GPHN: variants seen among roughly 807,000 people sequenced by gnomAD.
The protein encoded by GPHN is gephyrin.
Under a neutral mutation model 95.5 loss-of-function variants are expected in GPHN, and 17 were observed. The observed-to-expected ratio is 0.18, with a 90% CI of 0.12 to 0.27. GPHN has a LOEUF of 0.27. Ranked by LOEUF, GPHN falls within the 10% of genes least tolerant of loss-of-function variation. The pLI is 1.00. For missense variants in GPHN, 660 were observed against 978.1 expected (o/e 0.67, Z 4.34); for synonymous variants, 320 against 322.5 (o/e 0.99, Z 0.08).
At chr14:66,982,019 T>A (rs1305050743) in intron 9 of GPHN, among the ~76,000 whole-genome samples, 1 of 152,190 alleles carries the variant, frequency 6.6e-6, no homozygotes, top group African/African-American at 2.4e-5. Flanking sequence ...AATATGAATG[T>A]ATATACCCAG....
At chr14:67,628,513 A>G in the GPHN span, among the ~76,000 whole-genome samples, 10 of 152,358 alleles carry the variant, frequency 6.6e-5, no homozygotes, top group East Asian at 1.3e-3. Context: ...GCAAATTTCA[A>G]TGTAGCCGTA....
At chr14:66,974,217 T>C (rs564903606) in intron 9 of GPHN, among the ~76,000 whole-genome samples, 2 of 152,316 alleles carry the variant, frequency 1.3e-5, no homozygotes, top group Admixed American at 6.5e-5. Flanking sequence ...TGGGAAAGAA[T>C]TTAATATTTT....
intron 1 of GPHN, among the ~76,000 whole-genome samples, chr14:66,522,094 T>C (rs549991563): frequency 1.3e-5 from 2 of 152,258 alleles, no homozygotes; most frequent in East Asian, 3.9e-4. Flanking sequence ...GGCTTAAACC[T>C]AGGCCCCTGT....
intron 9 of GPHN, among the ~76,000 whole-genome samples, chr14:67,019,221 A>G (rs1271464341): frequency 6.6e-6 from 1 of 152,218 alleles, no homozygotes; most frequent in African/African-American, 2.4e-5. Flanking sequence ...TTTTTTAACA[A>G]TGTAAAAAGA....
At chr14:66,875,997 T>G (rs2063647704) in intron 4 of GPHN, among the ~76,000 whole-genome samples, 1 of 152,130 alleles carries the variant, frequency 6.6e-6, no homozygotes, top group African/African-American at 2.4e-5. Context: ...GAGAACATAA[T>G]TGGAAGTAAA....
intron 11 of GPHN, among the ~76,000 whole-genome samples, chr14:67,065,836 C>T (rs537982126): frequency 1.3e-5 from 2 of 148,890 alleles, no homozygotes; most frequent in South Asian, 4.2e-4. Flanking sequence ...TGTGTCTTTG[C>T]ACAGAGATGG....
chr14:67,431,418 A>C, the GPHN span, among the ~76,000 whole-genome samples: 1 of 147,244 alleles, frequency 6.8e-6, no homozygotes, highest in Non-Finnish European at 1.5e-5. Context: ...AAAAAAAAAA[A>C]AAACGGTTTA....
At chr14:67,132,414 T>C (rs929132713) in intron 17 of GPHN, among the ~76,000 whole-genome samples, 1 of 152,202 alleles carries the variant, frequency 6.6e-6, no homozygotes, top group Admixed American at 6.5e-5. Flanking sequence ...CCTCCTTTTC[T>C]GCTCAAAATG....
downstream of GPHN, among the ~76,000 whole-genome samples, chr14:67,185,676 G>A (rs1241024583): frequency 1.2e-4 from 19 of 152,140 alleles, no homozygotes; most frequent in Non-Finnish European, 1.5e-4. Context: ...AATAACATAA[G>A]CAGGTGATGT....
At chr14:67,340,708 C>G in the GPHN span, among the ~76,000 whole-genome samples, 1 of 152,226 alleles carries the variant, frequency 6.6e-6, no homozygotes, top group South Asian at 2.1e-4. Flanking sequence ...TCCCCACGGT[C>G]TCCCTCTGAT....
intron 4 of GPHN, among the ~76,000 whole-genome samples, chr14:66,870,882 T>G (rs2063407400): frequency 6.6e-6 from 1 of 152,166 alleles, no homozygotes; most frequent in Non-Finnish European, 1.5e-5. Context: ...TGCTTCCTAA[T>G]GTAAATAAGA....
At chr14:67,480,091 T>C in the GPHN span, among the ~76,000 whole-genome samples, 2 of 152,192 alleles carry the variant, frequency 1.3e-5, no homozygotes, top group Non-Finnish European at 2.9e-5. Context: ...ACGAATGAAC[T>C]CGTACATATA....
At chr14:67,494,285 TAA>T in the GPHN span, among the ~76,000 whole-genome samples, 3 of 152,194 alleles carry the variant, frequency 2.0e-5, no homozygotes, top group African/African-American at 7.2e-5. Context: ...TGACAAAGGA[TAA>T]GAGGACCCAT....
intron 11 of GPHN, among the ~76,000 whole-genome samples, chr14:67,067,464 G>A (rs1359446496): frequency 6.6e-6 from 1 of 152,270 alleles, no homozygotes; most frequent in African/African-American, 2.4e-5. Flanking sequence ...CGACGTGCTG[G>A]TAGAACCACT....
chr14:67,046,958 A>G (rs1161931613), intron 10 of GPHN, among the ~76,000 whole-genome samples: 1 of 152,150 alleles, frequency 6.6e-6, no homozygotes, highest in East Asian at 1.9e-4. Context: ...TGACCATATT[A>G]CTATTACCTA....
the GPHN span, among the ~76,000 whole-genome samples, chr14:67,495,492 T>A: frequency 5.9e-5 from 9 of 152,154 alleles, no homozygotes; most frequent in Admixed American, 2.6e-4. Context: ...CTGGATTTTT[T>A]TTTTTTTCAG....
intron 1 of GPHN, among the ~76,000 whole-genome samples, chr14:66,515,144 C>G (rs2058189453): frequency 6.6e-6 from 1 of 152,096 alleles, no homozygotes; most frequent in South Asian, 2.1e-4. Flanking sequence ...GAGCAACTTG[C>G]CACAGTTTCG....
At chr14:67,075,339 T>C (rs1247102585) in intron 11 of GPHN, among the ~76,000 whole-genome samples, 1 of 152,220 alleles carries the variant, frequency 6.6e-6, no homozygotes, top group Non-Finnish European at 1.5e-5. Flanking sequence ...AAAAGATTTC[T>C]TTCAAAATAT....
At chr14:67,444,829 G>A in the GPHN span, among the ~76,000 whole-genome samples, 123 of 152,154 alleles carry the variant, frequency 8.1e-4, 4 homozygotes, top group East Asian at 0.02. Context: ...GCAAAATCTT[G>A]GCTCACTGCA....
Sources: allele counts gnomAD v4.1 joint callset (sites outside exome capture counted in the v4.1 genomes callset), GRCh38; gene constraint gnomAD v4.1.1; transcripts MANE v1.5; gene names NCBI Gene and HGNC (gene_info 2026-07-23, HGNC 2026-07-21).